Variants in COPS3 observed in about 807,000 individuals in gnomAD.
COPS3 encodes the protein COP9 signalosome complex subunit 3.
COPS3 carries 10 observed loss-of-function variants against 58.2 expected under a neutral mutation model. That is an observed-to-expected ratio of 0.17 (90% CI 0.11 to 0.29). The LOEUF (loss-of-function observed/expected upper bound fraction) is 0.29, where lower values mean the gene tolerates loss of function less well. Ranked by LOEUF, COPS3 falls within the 10% of genes least tolerant of loss-of-function variation. The probability of loss-of-function intolerance (pLI) is 1.00; values close to 1 mark genes in which losing one functional copy is unlikely to be tolerated. For missense variants in COPS3, 333 were observed against 510.1 expected (o/e 0.65, Z 3.34); for synonymous variants, 187 against 181.7 (o/e 1.03, Z -0.24).
intron 4 of COPS3, among the ~76,000 whole-genome samples, chr17:17,268,380 T>C (rs567533395): frequency 2.0e-5 from 3 of 152,184 alleles, no homozygotes; most frequent in Non-Finnish European, 2.9e-5. Context: ...CATTTTCCCA[T>C]AGGGCAGTCT....
intron 2 of COPS3, among the ~76,000 whole-genome samples, chr17:17,274,935 T>C (rs2145256745): frequency 6.6e-6 from 1 of 152,164 alleles, no homozygotes; most frequent in Admixed American, 6.6e-5. Flanking sequence ...TCTACTCCTC[T>C]TGTCCTGCCT....
intron 9 of COPS3, 37 bp downstream of exon 9, chr17:17,254,822 A>T: frequency 7.3e-7 from 1 of 1,372,454 alleles, no homozygotes; most frequent in Non-Finnish European, 9.9e-7. Context: ...AAGAAAAAAA[A>T]AAAAAAAAAA....
intron 6 of COPS3, among the ~76,000 whole-genome samples, chr17:17,263,157 A>G (rs2048141830): frequency 1.3e-5 from 2 of 151,568 alleles, no homozygotes; most frequent in Admixed American, 6.6e-5. Context: ...GTGTGGTGGC[A>G]GGCACCTGTA....
chr17:17,279,074 A>C (rs1198742391), intron 1 of COPS3, among the ~76,000 whole-genome samples: 1 of 151,964 alleles, frequency 6.6e-6, no homozygotes, highest in East Asian at 1.9e-4. Context: ...GGGTTTCACC[A>C]TGTTGGCCAG....
chr17:17,250,371 C>T (rs540235721), intron 9 of COPS3, among the ~76,000 whole-genome samples: 3 of 151,550 alleles, frequency 2.0e-5, no homozygotes, highest in Non-Finnish European at 4.4e-5. Context: ...TCTCCTGCCT[C>T]GGCCTCCTAA....
chr17:17,272,386 G>A (rs919214653), intron 2 of COPS3, among the ~76,000 whole-genome samples: 1 of 151,992 alleles, frequency 6.6e-6, no homozygotes, highest in African/African-American at 2.4e-5. Flanking sequence ...TCGTGCCACT[G>A]CACTCCAGCC....
At chr17:17,254,340 A>C (rs959129332) in intron 9 of COPS3, among the ~76,000 whole-genome samples, 1 of 151,662 alleles carries the variant, frequency 6.6e-6, no homozygotes, top group East Asian at 1.9e-4. Context: ...AATAGGACGC[A>C]AGCCTGATGT....
At chr17:17,260,875 C>T (rs2048082515) in intron 7 of COPS3, among the ~76,000 whole-genome samples, 1 of 151,388 alleles carries the variant, frequency 6.6e-6, no homozygotes, top group Non-Finnish European at 1.5e-5. Context: ...AGCAAAAACA[C>T]ACTTACATAC....
chr17:17,249,398 A>G (rs1180028342), intron 9 of COPS3, among the ~76,000 whole-genome samples: 1 of 152,242 alleles, frequency 6.6e-6, no homozygotes, highest in Non-Finnish European at 1.5e-5. Context: ...TTCTTGGCTC[A>G]CTGCAACCTC....
chr17:17,258,308 A>T (rs538971935), intron 8 of COPS3, among the ~76,000 whole-genome samples: 8 of 151,942 alleles, frequency 5.3e-5, no homozygotes, highest in East Asian at 1.9e-4. Flanking sequence ...TCAAAAAAAA[A>T]TTTTTTTTGA....
chr17:17,249,013 A>G lies in COPS3; in HGVS notation c.1050T>C (p.Ser350=). The G allele has an allele frequency of 1.2e-6, 2 of 1,602,866 alleles. No individual in the cohort carries two copies. The highest frequency in any genetic ancestry group is 8.5e-7 in the Non-Finnish European group (1 of 1,176,364). Residue 350 remains serine (S), a synonymous_variant, in exon 10 of 12, where the codon AGT becomes AGC. Coordinates refer to ENST00000268717, the MANE Select transcript of COPS3 (RefSeq NM_003653.4). ...TGACCATACCGTCCTTCTGGTTAAT[A>G]CTTGCAAAAATCTCACCATCTTCTA... ...HMIEDGEIFA[S]INQKDGMVSF...
intron 6 of COPS3, among the ~76,000 whole-genome samples, chr17:17,262,927 T>C (rs2145219473): frequency 6.7e-6 from 1 of 149,992 alleles, no homozygotes; most frequent in South Asian, 2.1e-4. Flanking sequence ...TGAGGACGAG[T>C]CTCTGTTACC....
At chr17:17,280,504 G>A (rs2048553949) in intron 1 of COPS3, 6 of 1,169,674 alleles carry the variant, frequency 5.1e-6, no homozygotes, top group Non-Finnish European at 6.6e-6. Flanking sequence ...AGGTTGCAGT[G>A]AGCCGAGATC....
chr17:17,269,650 T>C (rs2048303369), intron 4 of COPS3, among the ~76,000 whole-genome samples: 2 of 152,142 alleles, frequency 1.3e-5, no homozygotes, highest in Non-Finnish European at 1.5e-5. Flanking sequence ...AAATTATGTA[T>C]TATAAAAGAT....
intron 2 of COPS3, 135 bp from the exon 3 acceptor site, chr17:17,271,143 G>A (rs2048331797): frequency 1.4e-6 from 1 of 723,362 alleles, no homozygotes; most frequent in Non-Finnish European, 2.4e-6. Context: ...TTAGAATTAA[G>A]AACTAGGCCA....
At chr17:17,280,736 G>A (rs1047240151) in intron 1 of COPS3, 1 of 1,239,638 alleles carries the variant, frequency 8.1e-7, no homozygotes, top group Non-Finnish European at 1.0e-6. Context: ...TCAGCAAGCT[G>A]CGGATCGGCG....
At chr17:17,277,698 G>A (rs937410519) in intron 1 of COPS3, among the ~76,000 whole-genome samples, 2 of 152,160 alleles carry the variant, frequency 1.3e-5, no homozygotes, top group African/African-American at 4.8e-5. Flanking sequence ...GGGATTAGAG[G>A]CATGAGCCAC....
chr17:17,275,652 A>T (rs183100614), intron 2 of COPS3, among the ~76,000 whole-genome samples: 143 of 152,324 alleles, frequency 9.4e-4, no homozygotes, highest in Non-Finnish European at 1.7e-3. Context: ...ATAAATAAAA[A>T]TAAAGCCAGG....
At chr17:17,262,130 T>C in intron 6 of COPS3, 24 bp from the exon 7 acceptor site, 1 of 1,599,470 alleles carries the variant, frequency 6.3e-7, no homozygotes, top group Non-Finnish European at 8.5e-7. Flanking sequence ...GAATGCTTGC[T>C]GTAAAGAGAA....
Sources: allele counts gnomAD v4.1 joint callset (sites outside exome capture counted in the v4.1 genomes callset), GRCh38; gene constraint gnomAD v4.1.1; transcripts MANE v1.5; gene names NCBI Gene and HGNC (gene_info 2026-07-23, HGNC 2026-07-21).